Variants in IQCK observed in about 807,000 individuals in gnomAD.
The protein encoded by IQCK is IQ domain-containing protein K.
IQCK carries 29 observed loss-of-function variants against 28.1 expected under a neutral mutation model. The ratio of observed to expected loss-of-function variants is 1.03; its 90% CI spans 0.77 to 1.41. The LOEUF is 1.41. Among genes scored for constraint, IQCK ranks in the 40% most tolerant of loss-of-function variants. IQCK has a pLI of 0.00. For synonymous variants in IQCK, 113 were observed against 115.1 expected (o/e 0.98, Z 0.12); for missense variants, 359 against 314.7 (o/e 1.14, Z -1.07).
intron 7 of IQCK, among the ~76,000 whole-genome samples, chr16:19,808,264 G>C (rs995326426): frequency 6.6e-6 from 1 of 152,302 alleles, no homozygotes; most frequent in African/African-American, 2.4e-5. Context: ...CTGGGTTAGA[G>C]CTGCAAGTGT....
chr16:19,737,364 T>G (rs2054772651), intron 4 of IQCK, among the ~76,000 whole-genome samples: 2 of 152,148 alleles, frequency 1.3e-5, no homozygotes, highest in African/African-American at 4.8e-5. Flanking sequence ...TTTTCCCATG[T>G]TCTAGCAAAT....
intron 4 of IQCK, chr16:19,735,830 A>C (rs1256319295): frequency 3.0e-6 from 1 of 336,766 alleles, no homozygotes; most frequent in East Asian, 7.8e-5. Context: ...TGGGAAGCTG[A>C]GGTGGGAGGA....
chr16:19,854,530 A>G (rs973645291), intron 9 of IQCK, among the ~76,000 whole-genome samples: 2 of 152,146 alleles, frequency 1.3e-5, no homozygotes, highest in African/African-American at 2.4e-5. Context: ...ATTTCTAACA[A>G]TTTCCCCCTA....
intron 7 of IQCK, among the ~76,000 whole-genome samples, chr16:19,793,009 T>C (rs2055639658): frequency 9.5e-6 from 1 of 105,692 alleles, no homozygotes; most frequent in Non-Finnish European, 1.6e-5. Context: ...ACAAAAACAC[T>C]TAACAAACTG....
rs141102348 is a variant in IQCK at position 19,774,127 on chromosome 16, A to G, written c.605+10015A>G. Among the ~76,000 whole-genome samples, 717 of 152,280 alleles carry G rather than the reference A, an allele frequency of 4.7e-3. 5 individuals are homozygous for G. The highest frequency in any genetic ancestry group is 0.017 in the African/African-American group (700 of 41,554). On this transcript the variant is annotated intron_variant, in intron 6 of 7. Transcript: ENST00000564186. ...GAATGTTCTAGAAGTCAAAGAAGTG[A>G]CAGTGTAGTGTGGTGGTTAGGAGCT...
intron 4 of IQCK, among the ~76,000 whole-genome samples, chr16:19,742,163 G>GGGC (rs2054845844): frequency 6.6e-6 from 1 of 152,122 alleles, no homozygotes; most frequent in South Asian, 2.1e-4. Context: ...TCCTGTCATT[G>GGGC]GGCGGAAGAG....
chr16:19,822,869 T>C (rs1232789068), intron 7 of IQCK, among the ~76,000 whole-genome samples: 1 of 152,214 alleles, frequency 6.6e-6, no homozygotes, highest in Non-Finnish European at 1.5e-5. Context: ...TGACCAAATT[T>C]TAAAAAAATC....
At chr16:19,746,370 T>C (rs2054913249) in intron 4 of IQCK, among the ~76,000 whole-genome samples, 1 of 152,190 alleles carries the variant, frequency 6.6e-6, no homozygotes. Flanking sequence ...TTTTAAAATG[T>C]ACACTTAAGT....
At chr16:19,845,300 C>G (rs1365706992) in intron 9 of IQCK, among the ~76,000 whole-genome samples, 1 of 152,190 alleles carries the variant, frequency 6.6e-6, no homozygotes, top group East Asian at 1.9e-4. Context: ...CTCTGTTGTT[C>G]TTAAAGGCAG....
intron 6 of IQCK, among the ~76,000 whole-genome samples, chr16:19,781,349 G>A (rs1197980053): frequency 6.6e-6 from 1 of 152,196 alleles, no homozygotes; most frequent in African/African-American, 2.4e-5. Context: ...CACGTATGCA[G>A]CTTCAGTGAT....
intron 7 of IQCK, among the ~76,000 whole-genome samples, chr16:19,826,797 C>T (rs1299572103): frequency 9.2e-5 from 14 of 152,218 alleles, no homozygotes; most frequent in Admixed American, 3.3e-4. Flanking sequence ...GGACAGCACA[C>T]ACCTATTCAT....
intron 1 of IQCK, among the ~76,000 whole-genome samples, chr16:19,725,533 A>G (rs1384676523): frequency 1.3e-5 from 2 of 152,238 alleles, no homozygotes; most frequent in Non-Finnish European, 2.9e-5. Flanking sequence ...CTAATGCAGA[A>G]CAGAGCAGAT....
chr16:19,718,540 G>A, intron 1 of IQCK, 53 bp downstream of exon 1: 4 of 1,473,602 alleles, frequency 2.7e-6, no homozygotes, highest in South Asian at 1.4e-5. Context: ...CCGGACGGGG[G>A]CCGCGTTTGG....
At chr16:19,814,220 C>CA (rs71146272) in intron 7 of IQCK, among the ~76,000 whole-genome samples, 4,479 of 19,246 alleles carry the variant, frequency 0.23, 603 homozygotes, top group African/African-American at 0.34. Flanking sequence ...AACTCTATCT[C>CA]AAAAAAAAAA....
At chr16:19,743,254 C>A (rs1444999593) in intron 4 of IQCK, among the ~76,000 whole-genome samples, 2 of 152,154 alleles carry the variant, frequency 1.3e-5, no homozygotes, top group South Asian at 4.1e-4. Context: ...GGTCTGTGAC[C>A]TTTATTCAGT....
intron 1 of IQCK, among the ~76,000 whole-genome samples, chr16:19,720,788 G>A (rs1225397523): frequency 1.3e-5 from 2 of 152,160 alleles, no homozygotes; most frequent in Admixed American, 6.5e-5. Flanking sequence ...AGGCCAAGGC[G>A]GGTGGATCAC....
At chr16:19,857,544 G>T in exon 10 of IQCK, 1 of 385,358 alleles carries the variant, frequency 2.6e-6, no homozygotes, top group Non-Finnish European at 4.9e-6. Flanking sequence ...TCAAAAGTGA[G>T]CCTTAGCTCT....
At chr16:19,818,723 G>A (rs901685963) in intron 7 of IQCK, among the ~76,000 whole-genome samples, 5 of 152,020 alleles carry the variant, frequency 3.3e-5, no homozygotes, top group Admixed American at 6.6e-5. Context: ...GATAAATTGT[G>A]TATTTTCTTT....
At chr16:19,818,944 G>A (rs2141077865) in intron 7 of IQCK, among the ~76,000 whole-genome samples, 1 of 152,222 alleles carries the variant, frequency 6.6e-6, no homozygotes, top group South Asian at 2.1e-4. Context: ...GCTCTGGGGT[G>A]GCATTGGATC....
Sources: allele counts gnomAD v4.1 joint callset (sites outside exome capture counted in the v4.1 genomes callset), GRCh38; gene constraint gnomAD v4.1.1; transcripts MANE v1.5; gene names NCBI Gene and HGNC (gene_info 2026-07-23, HGNC 2026-07-21).